The following CNTN6 variants were observed in gnomAD, a reference collection of about 807,000 sequenced individuals.
CNTN6 encodes contactin 6.
A neutral mutation model predicts 122.8 loss-of-function variants in CNTN6; 137 were observed. That is an observed-to-expected ratio of 1.12 (90% CI 0.97 to 1.29). The LOEUF (loss-of-function observed/expected upper bound fraction) is 1.29. Among genes scored for constraint, CNTN6 ranks in the 50% most tolerant of loss-of-function variants. The pLI, the probability that CNTN6 is intolerant of heterozygous loss-of-function variation, is 0.00. For synonymous variants in CNTN6, 570 were observed against 426.0 expected, an observed-to-expected ratio of 1.34 and a Z score of -4.16; for missense variants, 1,634 against 1,223.4, an observed-to-expected ratio of 1.34 and a Z score of -5.01.
intron 4 of CNTN6, among the ~76,000 whole-genome samples, chr3:1,243,916 G>A (rs1480491246): frequency 3.3e-5 from 5 of 152,080 alleles, no homozygotes; most frequent in African/African-American, 1.2e-4. Context: ...GGGACCAAGG[G>A]GACAGGCGGG....
intron 2 of CNTN6, among the ~76,000 whole-genome samples, chr3:1,175,499 G>A (rs1164837718): frequency 6.6e-6 from 1 of 152,224 alleles, no homozygotes; most frequent in Non-Finnish European, 1.5e-5. Flanking sequence ...TGGGAGCACA[G>A]CAGATGAGGC....
In CNTN6 at chr3:1,372,942, T is replaced by C. The variant is rs1211744366; in HGVS notation, c.1773T>C (p.Asp591=). The C allele has an allele frequency of 3.2e-6, 5 of 1,573,182 alleles. No individual in the cohort carries two copies. The highest frequency in any genetic ancestry group is 4.4e-6 in the Non-Finnish European group (5 of 1,147,010). ...TTLESLSAVA[D]IIVRGPPGPP... ...TAGAAAGTTTATCTGCAGTAGCCGA[T>C]ATCATTGTTAGAGGTAAGCATAAAT... Residue 591 remains aspartate (D), a synonymous_variant, in exon 14 of 23, where the codon GAT becomes GAC. Transcript: ENST00000446702.
intron 1 of CNTN6, among the ~76,000 whole-genome samples, chr3:1,138,262 T>G (rs2092529696): frequency 6.6e-6 from 1 of 152,182 alleles, no homozygotes; most frequent in Non-Finnish European, 1.5e-5. Context: ...TAATGCAACC[T>G]AAGTCATGCC....
intron 12 of CNTN6, among the ~76,000 whole-genome samples, chr3:1,363,658 A>T (rs1707797289): frequency 6.6e-6 from 1 of 151,954 alleles, no homozygotes; most frequent in African/African-American, 2.4e-5. Context: ...TTATCCATTC[A>T]TCCACTGATG....
chr3:1,144,078 C>T (rs985769063), intron 1 of CNTN6, among the ~76,000 whole-genome samples: 4 of 152,200 alleles, frequency 2.6e-5, no homozygotes, highest in African/African-American at 9.6e-5. Flanking sequence ...GCAAACCTAG[C>T]TCATGCTTGC....
intron 1 of CNTN6, among the ~76,000 whole-genome samples, chr3:1,100,761 T>C (rs1000246599): frequency 6.6e-6 from 1 of 152,298 alleles, no homozygotes; most frequent in Non-Finnish European, 1.5e-5. Flanking sequence ...ATAATTTATA[T>C]TGCTCTTTTA....
At chr3:1,281,611 C>A (rs368313474) in intron 5 of CNTN6, among the ~76,000 whole-genome samples, 1 of 152,022 alleles carries the variant, frequency 6.6e-6, no homozygotes, top group Non-Finnish European at 1.5e-5. Context: ...ACCACAGGCA[C>A]GTGCCACCAT....
At chr3:1,111,517 C>T (rs987241763) in intron 1 of CNTN6, among the ~76,000 whole-genome samples, 2 of 152,192 alleles carry the variant, frequency 1.3e-5, no homozygotes, top group African/African-American at 4.8e-5. Flanking sequence ...CAGGCTTTTG[C>T]CAAAATTAAC....
intron 1 of CNTN6, among the ~76,000 whole-genome samples, chr3:1,136,407 C>A (rs1385939972): frequency 6.6e-6 from 1 of 152,034 alleles, no homozygotes; most frequent in African/African-American, 2.4e-5. Context: ...CTACAGAAAA[C>A]CGAATCCCAT....
intron 2 of CNTN6, among the ~76,000 whole-genome samples, chr3:1,213,057 G>A (rs2094069587): frequency 6.6e-6 from 1 of 152,048 alleles, no homozygotes; most frequent in Non-Finnish European, 1.5e-5. Flanking sequence ...CTATCAAATG[G>A]GAACAGAAAT....
chr3:1,202,469 G>A (rs1035829525), intron 2 of CNTN6, among the ~76,000 whole-genome samples: 60 of 151,936 alleles, frequency 3.9e-4, no homozygotes, highest in East Asian at 1.2e-3. Flanking sequence ...GAACCCCGGG[G>A]GGCGGAGCTT....
At chr3:1,105,930 A>G (rs1055414827) in intron 1 of CNTN6, among the ~76,000 whole-genome samples, 1 of 152,178 alleles carries the variant, frequency 6.6e-6, no homozygotes, top group African/African-American at 2.4e-5. Flanking sequence ...AATAGCACAT[A>G]TTAAGATGAT....
Position 1,295,718 on chromosome 3 carries a change from T to C in CNTN6, c.572T>C (p.Val191Ala). 2 of 1,614,066 alleles carry C rather than the reference T, an allele frequency of 1.2e-6. No homozygotes were observed. Among genetic ancestry groups the C allele is most frequent in the South Asian group, 1.1e-5 (1 of 91,082 alleles). ...LYIAKVEPSD[V>A]GNYTCFITNK... Reference sequence around the variant, plus strand: ...ATTGCCAAAGTGGAACCATCAGATGTGGGCAACTACACTTGCTTTATAACT... The same window carrying C: ...ATTGCCAAAGTGGAACCATCAGATGCGGGCAACTACACTTGCTTTATAACT... The change falls in exon 6 of 23, where the codon GTG becomes GCG. Residue 191 changes from valine to alanine, a missense_variant. Transcript: ENST00000446702.
intron 4 of CNTN6, among the ~76,000 whole-genome samples, chr3:1,265,044 C>CTTTTTTTTTTTTTTTT (rs201949693): frequency 2.0e-5 from 2 of 100,744 alleles, no homozygotes; most frequent in African/African-American, 7.6e-5. Context: ...ACCGAATTTC[C>CTTTTTTTTTTTTTTTT]TTTTTTTTTT....
chr3:1,120,686 G>C (rs568366153), intron 1 of CNTN6, among the ~76,000 whole-genome samples: 3 of 151,900 alleles, frequency 2.0e-5, no homozygotes, highest in Non-Finnish European at 4.4e-5. Flanking sequence ...TGAGTCCTAA[G>C]AAATCTTTGC....
At chr3:1,375,548 C>G (rs1158102731) in intron 16 of CNTN6, among the ~76,000 whole-genome samples, 1 of 151,990 alleles carries the variant, frequency 6.6e-6, no homozygotes, top group African/African-American at 2.4e-5. Flanking sequence ...GAAAGTAAAT[C>G]AAAATATAAT....
At chr3:1,183,945 T>C (rs149260900) in intron 2 of CNTN6, among the ~76,000 whole-genome samples, 357 of 152,200 alleles carry the variant, frequency 2.3e-3, no homozygotes, top group Non-Finnish European at 4.2e-3. Flanking sequence ...CAGTTACTGA[T>C]TGTTGGATTG....
chr3:1,364,555 G>T lies in CNTN6; in HGVS notation c.1493-7744G>T, dbSNP rs116364755. ...CAATATTTTCTGTATGGTCAGGAAA[G>T]ATGAATTATACATTTAACTGCCATC... On this transcript the variant is annotated intron_variant, in intron 12 of 22. Coordinates refer to ENST00000446702, the MANE Select transcript of CNTN6 (RefSeq NM_001289080.2). 2.5e-4 allele frequency among the ~76,000 whole-genome samples: 38 copies of T among 151,846 alleles called. 1 individual carries two copies. The highest frequency in any genetic ancestry group is 8.9e-4 in the African/African-American group (37 of 41,504).
intron 2 of CNTN6, among the ~76,000 whole-genome samples, chr3:1,153,761 GA>G (rs2092900962): frequency 6.6e-6 from 1 of 152,130 alleles, no homozygotes; most frequent in Non-Finnish European, 1.5e-5. Context: ...AAAACCAGAA[GA>G]ATGAAAATAT....
Sources: gnomAD v4.1 joint callset for allele counts (sites outside exome capture counted in the v4.1 genomes callset) on GRCh38, gnomAD v4.1.1 for gene constraint, MANE v1.5 for transcripts, NCBI Gene and HGNC (gene_info 2026-07-23, HGNC 2026-07-21) for gene names.